DCTN4: variants seen among roughly 807,000 people sequenced by gnomAD.
The protein encoded by DCTN4 is dynactin 4 (p62).
Under a neutral mutation model 62.7 loss-of-function variants are expected in DCTN4, and 23 were observed. That is an observed-to-expected ratio of 0.37 (90% confidence interval 0.26 to 0.52). The LOEUF is 0.52. DCTN4 is among the 20% of genes least tolerant of loss of function. The probability of loss-of-function intolerance (pLI) is 0.92; values close to 1 mark genes in which losing one functional copy is unlikely to be tolerated. For missense variants in DCTN4, 514 were observed against 580.4 expected (o/e 0.89, Z 1.18); for synonymous variants, 199 against 202.1 (o/e 0.98, Z 0.13).
chr5:150,746,665 T>G (rs1169259056), intron 3 of DCTN4, among the ~76,000 whole-genome samples: 2 of 152,266 alleles, frequency 1.3e-5, no homozygotes, highest in Middle Eastern at 6.8e-3. Context: ...ACCCAGCATA[T>G]AAACAGAGCC....
chr5:150,745,296 C>T (rs938244580), intron 3 of DCTN4, among the ~76,000 whole-genome samples: 22 of 150,690 alleles, frequency 1.5e-4, no homozygotes, highest in African/African-American at 4.7e-4. Flanking sequence ...TAAAGCAAGT[C>T]CTGAGTGACC....
rs551157996 is a variant in DCTN4 at position 150,710,689 on chromosome 5, T to A, written c.*460A>T. The A allele has an allele frequency of 6.0e-6, 1 of 167,562 alleles. No individual in the cohort carries two copies. The highest frequency in any genetic ancestry group is 1.5e-4 in the East Asian group (1 of 6,582). The allele number at this position is 167,562 out of a possible 1,614,324, so 10.4% of individuals were successfully genotyped here. ...TATGTTTTAGACTGTTAGATGATATTTAACGGAATGCAGAAAGCAGTTGGT... is the reference window on the plus strand; with the variant it reads ...TATGTTTTAGACTGTTAGATGATATATAACGGAATGCAGAAAGCAGTTGGT... On this transcript the variant is annotated 3_prime_UTR_variant, in exon 13 of 13. Coordinates refer to ENST00000447998, the MANE Select transcript of DCTN4 (RefSeq NM_016221.4).
rs1759730491 is a variant in DCTN4 at position 150,715,675 on chromosome 5, A to ACAGG, written c.1072-14_1072-13insCCTG. ...GAGGCACCACCACCTGGAGAGCAAC[A>ACAGG]CAGAGAGGCCTGCCTGAGAAGGGAC... On this transcript the variant is annotated splice_polypyrimidine_tract_variant and intron_variant, in intron 11 of 12. Transcript: ENST00000447998. 1 of 1,611,198 alleles carries ACAGG rather than the reference A, an allele frequency of 6.2e-7. No individual in the cohort carries two copies. Among genetic ancestry groups the ACAGG allele is most frequent in the African/African-American group, 1.3e-5 (1 of 74,884 alleles).
At chr5:150,747,346 A>T (rs1197947850) in intron 3 of DCTN4, among the ~76,000 whole-genome samples, 3 of 152,162 alleles carry the variant, frequency 2.0e-5, no homozygotes, top group South Asian at 2.1e-4. Context: ...ATCAATATCA[A>T]GAAAATGGCC....
chr5:150,711,795 C>T (rs144484176), intron 12 of DCTN4, among the ~76,000 whole-genome samples: 181 of 152,212 alleles, frequency 1.2e-3, no homozygotes, highest in Non-Finnish European at 2.1e-3. Flanking sequence ...GCTGGGATTA[C>T]GGGCATAAGC....
chr5:150,729,054 T>C (rs13166263), intron 8 of DCTN4, among the ~76,000 whole-genome samples: 18 of 124,246 alleles, frequency 1.4e-4, no homozygotes, highest in African/African-American at 5.9e-4. Flanking sequence ...TTTTTTTTTT[T>C]TTTTTTTTTT....
Position 150,708,905 on chromosome 5 carries a change from T to C in DCTN4, c.*2244A>G, listed in dbSNP as rs1187773665. Reference sequence around the variant, plus strand: ...CATGACACTTAGCTCATTATGCTGATAAGCACTTCAAACAAAAGAAAAGGT... The same window carrying C: ...CATGACACTTAGCTCATTATGCTGACAAGCACTTCAAACAAAAGAAAAGGT... On this transcript the variant is annotated 3_prime_UTR_variant, in exon 13 of 13. Coordinates refer to ENST00000447998, the MANE Select transcript of DCTN4 (RefSeq NM_016221.4). 1 of 152,824 alleles carries C rather than the reference T, an allele frequency of 6.5e-6. No individual in the cohort carries two copies. The highest frequency in any genetic ancestry group is 1.5e-5 in the Non-Finnish European group (1 of 68,040). 9.5% of individuals were successfully genotyped at this position (152,824 alleles called of 1,614,324 possible).
rs758534197 is a variant in DCTN4 at position 150,753,624 on chromosome 5, C to G, written c.240G>C (p.Met80Ile). The G allele has an allele frequency of 6.2e-7, 1 of 1,613,946 alleles. No individual in the cohort carries two copies. The highest frequency in any genetic ancestry group is 8.5e-7 in the Non-Finnish European group (1 of 1,179,902). Reference protein sequence around the residue: ...CANCFDCPGCMHTLSTRATSI... With the variant: ...CANCFDCPGCIHTLSTRATSI... ...TCGTGGCCCGAGTAGAGAGGGTGTG[C>G]ATGCAGCCAGGACAGTCAAAACAAT... Residue 80 changes from methionine (M) to isoleucine (I), a missense_variant, in exon 3 of 13, where the codon ATG becomes ATC. Met to Ile is a conservative substitution (Grantham distance 10). Coordinates refer to ENST00000447998, the MANE Select transcript of DCTN4 (RefSeq NM_016221.4).
intron 4 of DCTN4, among the ~76,000 whole-genome samples, chr5:150,737,224 C>A (rs1340457533): frequency 1.3e-5 from 2 of 152,128 alleles, no homozygotes; most frequent in African/African-American, 4.8e-5. Flanking sequence ...AGATGGTCAA[C>A]AAAGAAACAA....
Position 150,725,567 on chromosome 5 carries a change from T to C in DCTN4, c.835-2587A>G, listed in dbSNP as rs917527651. ...TCTCTTTGGACTTTGCTGTTTTTTTTCTAACTTCTTGAAATGGATGCTGAC... is the reference window on the plus strand; with the variant it reads ...TCTCTTTGGACTTTGCTGTTTTTTTCCTAACTTCTTGAAATGGATGCTGAC... On this transcript the variant is annotated intron_variant, in intron 8 of 12. Transcript: ENST00000447998. 9.9e-5 allele frequency among the ~76,000 whole-genome samples: 15 copies of C among 152,252 alleles called. No individual in the cohort carries two copies. In the East Asian group the frequency reaches 2.1e-3, roughly 22 times the overall value.
chr5:150,725,482 A>G (rs1379238181), intron 8 of DCTN4, among the ~76,000 whole-genome samples: 1 of 151,784 alleles, frequency 6.6e-6, no homozygotes, highest in Non-Finnish European at 1.5e-5. Context: ...TTCTTAATTT[A>G]CTGTATTTTA....
At chr5:150,722,531 C>T (rs1280386718) in intron 9 of DCTN4, among the ~76,000 whole-genome samples, 1 of 152,168 alleles carries the variant, frequency 6.6e-6, no homozygotes, top group Non-Finnish European at 1.5e-5. Context: ...GTAAAATGAA[C>T]ACTGTTACAG....
chr5:150,727,372 AATATATG>A, intron 8 of DCTN4, among the ~76,000 whole-genome samples: 1 of 152,332 alleles, frequency 6.6e-6, no homozygotes, highest in South Asian at 2.1e-4. Flanking sequence ...GAGACCATTT[AATATATG>A]TATATAAACC....
chr5:150,750,763 C>A (rs1190854471), intron 3 of DCTN4, among the ~76,000 whole-genome samples: 1 of 152,120 alleles, frequency 6.6e-6, no homozygotes, highest in African/African-American at 2.4e-5. Context: ...TGCTAATAAA[C>A]ACTGAATTCA....
chr5:150,715,831 A>G (rs1038389362), intron 11 of DCTN4, among the ~76,000 whole-genome samples, 169 bp from the exon 12 acceptor site: 1 of 152,230 alleles, frequency 6.6e-6, no homozygotes, highest in Non-Finnish European at 1.5e-5. Flanking sequence ...CTAAGTTAGT[A>G]CTTACTTCAT....
chr5:150,750,903 C>T lies in DCTN4; in HGVS notation c.385+2576G>A, dbSNP rs534587232. ...AATATACATATTTCATATAAAATCACTTTTTTCAAAACAAAAAGGACGCAA... is the reference window on the plus strand; with the variant it reads ...AATATACATATTTCATATAAAATCATTTTTTTCAAAACAAAAAGGACGCAA... On this transcript the variant is annotated intron_variant, in intron 3 of 12. Transcript: ENST00000447998. Among the ~76,000 whole-genome samples the T allele has an allele frequency of 2.6e-5, 4 of 152,144 alleles. No homozygotes were observed. In the South Asian group the frequency reaches 8.3e-4, roughly 31 times the overall value.
chr5:150,741,998 AG>A, intron 4 of DCTN4, 115 bp downstream of exon 4: 3 of 865,934 alleles, frequency 3.5e-6, no homozygotes, highest in Non-Finnish European at 5.9e-6. Context: ...CTATGTGCAA[AG>A]ACGTATTATG....
At chr5:150,724,929 G>A (rs547287727) in intron 8 of DCTN4, among the ~76,000 whole-genome samples, 12 of 152,046 alleles carry the variant, frequency 7.9e-5, no homozygotes, top group Admixed American at 2.0e-4. Flanking sequence ...AGGCTGAGGC[G>A]GGCGGACCAC....
intron 5 of DCTN4, among the ~76,000 whole-genome samples, chr5:150,732,062 A>T (rs1358687659): frequency 1.3e-5 from 2 of 152,264 alleles, no homozygotes; most frequent in East Asian, 3.8e-4. Context: ...ACATTGGTGC[A>T]TATGCTGACT....
Sources: allele counts gnomAD v4.1 joint callset (sites outside exome capture counted in the v4.1 genomes callset), GRCh38; gene constraint gnomAD v4.1.1; transcripts MANE v1.5; gene names NCBI Gene and HGNC (gene_info 2026-07-23, HGNC 2026-07-21).